Variants in TSPAN9 observed in about 807,000 individuals in gnomAD.
TSPAN9 encodes tetraspanin-9.
TSPAN9 carries 16 observed loss-of-function variants against 31.0 expected under a neutral mutation model. The observed-to-expected ratio is 0.52, with a 90% CI of 0.35 to 0.78. The LOEUF (loss-of-function observed/expected upper bound fraction) is 0.78. TSPAN9 is among the 30% of genes least tolerant of loss of function. The pLI, the probability that TSPAN9 is intolerant of heterozygous loss-of-function variation, is 0.01. For missense variants in TSPAN9, 272 were observed against 312.5 expected (o/e 0.87, Z 0.98); for synonymous variants, 145 against 121.6 (o/e 1.19, Z -1.27).
rs1401288461 is a variant in TSPAN9, at chr12:3,121,652, A to G, written c.-18+37933A>G. ...CTTGGCCTCCCAAAGTGCTAGGGTT[A>G]TAGATATGAGCCACTGCACCTGGCT... On this transcript the variant is annotated intron_variant, in intron 2 of 8. Coordinates refer to ENST00000011898, the MANE Select transcript of TSPAN9 (RefSeq NM_006675.5). Among the ~76,000 whole-genome samples the G allele has an allele frequency of 1.1e-4, 15 of 141,512 alleles. No individual in the cohort carries two copies. In the Admixed American group the frequency reaches 1.2e-3, roughly 11 times the overall value. 92.8% of individuals were successfully genotyped at this position (141,512 alleles called of 152,430 possible).
chr12:3,280,545 A>G lies in TSPAN9; in HGVS notation c.432+62A>G, dbSNP rs1312899292. On this transcript the variant is annotated intron_variant, in intron 6 of 8. Transcript: ENST00000011898. This position sits in a 1 kb window ranked among gnomAD's most constrained non-coding sequence, Gnocchi z 4.5. Reference sequence around the variant, plus strand: ...AGGAGGGGTGGCGGCCGGTACTTCTAGCTGCCTTCCCCGGTGACCTGGCCG... The same window carrying G: ...AGGAGGGGTGGCGGCCGGTACTTCTGGCTGCCTTCCCCGGTGACCTGGCCG... 5 of 1,485,550 alleles carry G rather than the reference A, an allele frequency of 3.4e-6. No individual in the cohort carries two copies. The highest frequency in any genetic ancestry group is 3.7e-6 in the Non-Finnish European group (4 of 1,085,630). The allele number at this position is 1,485,550 out of a possible 1,614,324, so 92.0% of individuals were successfully genotyped here.
chr12:3,105,750 A>T lies in TSPAN9; in HGVS notation c.-18+22031A>T, dbSNP rs1312573509. Among the ~76,000 whole-genome samples the T allele has an allele frequency of 1.6e-4, 13 of 81,530 alleles. No individual in the cohort carries two copies. In the East Asian group the frequency reaches 3.2e-3, roughly 20 times the overall value. 53.5% of individuals were successfully genotyped at this position (81,530 alleles called of 152,430 possible). On this transcript the variant is annotated intron_variant, in intron 2 of 8. Coordinates refer to ENST00000011898, the MANE Select transcript of TSPAN9 (RefSeq NM_006675.5). ...TGCACGCGCGTGCACACACACACTC[A>T]CACACACGCACACACGCGCACGCAC...
At chr12:3,246,015 A>G (rs1426310064) in intron 3 of TSPAN9, among the ~76,000 whole-genome samples, 1 of 151,932 alleles carries the variant, frequency 6.6e-6, no homozygotes, top group Non-Finnish European at 1.5e-5. Context: ...AGACTGGGTG[A>G]TTTATAAAGA....
chr12:3,274,358 G>A (rs912137276), intron 3 of TSPAN9, among the ~76,000 whole-genome samples: 1 of 152,104 alleles, frequency 6.6e-6, no homozygotes. Flanking sequence ...AGGAAATTGG[G>A]CCTCCGAGAG....
In TSPAN9 at chr12:3,278,594, C is replaced by G; in HGVS notation, c.237C>G (p.Asn79Lys). 6.2e-7 allele frequency: 1 copy of G among 1,614,094 alleles called. No homozygotes were observed. Among genetic ancestry groups the G allele is most frequent in the Non-Finnish European group, 8.5e-7 (1 of 1,179,990 alleles). The change falls in exon 4 of 9, where the codon AAC becomes AAG. Residue 79 changes from asparagine to lysine, a missense_variant. Coordinates refer to ENST00000011898, the MANE Select transcript of TSPAN9 (RefSeq NM_006675.5). ...FLGCLGAIKENKCLLLSFFIV... is the reference protein window; with the variant it reads ...FLGCLGAIKEKKCLLLSFFIV... ...GCTGCCTGGGGGCCATCAAGGAAAA[C>G]AAGTGCCTCCTCCTCAGCGTAAGTT...
At chr12:3,224,610 C>G (rs939076452) in intron 3 of TSPAN9, among the ~76,000 whole-genome samples, 5 of 152,246 alleles carry the variant, frequency 3.3e-5, no homozygotes, top group African/African-American at 1.2e-4. Flanking sequence ...TCTGGGGAAG[C>G]TGTGCCCAGA....
At chr12:3,079,484 A>G (rs978958208) in intron 1 of TSPAN9, among the ~76,000 whole-genome samples, 10 of 150,834 alleles carry the variant, frequency 6.6e-5, no homozygotes, top group African/African-American at 9.8e-5. Flanking sequence ...TTTCTGAGAC[A>G]GACTTTTGCT....
intron 2 of TSPAN9, among the ~76,000 whole-genome samples, chr12:3,123,372 C>G (rs1274620886): frequency 6.6e-6 from 1 of 152,194 alleles, no homozygotes; most frequent in Non-Finnish European, 1.5e-5. Context: ...TCTTTGTGCA[C>G]AGCTGACCTA....
At chr12:3,123,625 A>G (rs113254663) in intron 2 of TSPAN9, among the ~76,000 whole-genome samples, 2 of 91,126 alleles carry the variant, frequency 2.2e-5, no homozygotes. Flanking sequence ...ATTATTATGT[A>G]TTTTTTTTTT....
intron 1 of TSPAN9, 69 bp from the exon 2 acceptor site, chr12:3,083,584 T>C (rs1051582678): frequency 1.3e-5 from 2 of 152,352 alleles, no homozygotes; most frequent in South Asian, 2.1e-4. Flanking sequence ...GAGTGGTCCT[T>C]GATGGACAGA....
intron 2 of TSPAN9, among the ~76,000 whole-genome samples, chr12:3,169,118 T>C (rs573650574): frequency 1.3e-5 from 2 of 152,296 alleles, no homozygotes; most frequent in South Asian, 2.1e-4. Context: ...CAGGGACCAT[T>C]CTATCTTCTG....
intron 2 of TSPAN9, among the ~76,000 whole-genome samples, chr12:3,096,135 G>A (rs1029163518): frequency 5.9e-5 from 9 of 152,230 alleles, no homozygotes; most frequent in African/African-American, 2.2e-4. Context: ...GGCGGCTGCC[G>A]CTTGTGTAGT....
In TSPAN9 at chr12:3,096,044, G is replaced by A. The variant is rs999806990; in HGVS notation, c.-18+12325G>A. On this transcript the variant is annotated intron_variant, in intron 2 of 8. Coordinates refer to ENST00000011898, the MANE Select transcript of TSPAN9 (RefSeq NM_006675.5). ...TCCGCTCCTCCAGCCGCTGCCTCCC[G>A]GGCGGCGCTCCCGGCGCGGCGGCAA... Among the ~76,000 whole-genome samples the A allele has an allele frequency of 2.1e-4, 28 of 130,852 alleles. No homozygotes were observed. The East Asian group carries it at 5.1e-3, about 24-fold the overall frequency. The allele number at this position is 130,852 out of a possible 152,430, so 85.8% of individuals were successfully genotyped here. A position where few individuals can be genotyped will look rare whatever the true frequency, so the allele number is the denominator to read the frequency against.
chr12:3,139,138 C>T (rs1051210402), intron 2 of TSPAN9, among the ~76,000 whole-genome samples: 5 of 152,192 alleles, frequency 3.3e-5, no homozygotes, highest in African/African-American at 1.2e-4. Flanking sequence ...TTGGCATCCT[C>T]TCAGGTTTCA....
At chr12:3,233,335 C>A (rs182253118) in intron 3 of TSPAN9, among the ~76,000 whole-genome samples, 1 of 152,346 alleles carries the variant, frequency 6.6e-6, no homozygotes, top group Non-Finnish European at 1.5e-5. Context: ...AATCCACCAC[C>A]TAGCTGAATG....
At chr12:3,272,105 A>C (rs1167277216) in intron 3 of TSPAN9, among the ~76,000 whole-genome samples, 3 of 152,186 alleles carry the variant, frequency 2.0e-5, no homozygotes, top group Admixed American at 2.0e-4. Context: ...CTGCAAGCAA[A>C]AAGTGGATGA....
chr12:3,254,913 A>G (rs1017670734), intron 3 of TSPAN9, among the ~76,000 whole-genome samples: 1 of 152,170 alleles, frequency 6.6e-6, no homozygotes, highest in Non-Finnish European at 1.5e-5. Flanking sequence ...TGGATGCATC[A>G]TGCACACATG....
chr12:3,267,123 C>A (rs958679775), intron 3 of TSPAN9, among the ~76,000 whole-genome samples: 13 of 152,188 alleles, frequency 8.5e-5, no homozygotes, highest in African/African-American at 2.9e-4. Flanking sequence ...TCTGGGGGCA[C>A]CTCCTTTCCC....
intron 3 of TSPAN9, 133 bp downstream of exon 3, chr12:3,201,389 A>T: frequency 1.2e-6 from 1 of 844,918 alleles, no homozygotes; most frequent in Non-Finnish European, 1.8e-6. Flanking sequence ...TTTTAAAAAA[A>T]AATTGCCCCC....
Sources: allele counts gnomAD v4.1 joint callset (sites outside exome capture counted in the v4.1 genomes callset), GRCh38; gene constraint gnomAD v4.1.1; non-coding constraint Gnocchi (gnomAD v3.1); transcripts MANE v1.5; gene names NCBI Gene and HGNC (gene_info 2026-07-23, HGNC 2026-07-21).